The following USP48 variants were observed in gnomAD, a reference collection of about 807,000 sequenced individuals.
USP48 encodes ubiquitin specific peptidase 48, also known as ubiquitin carboxyl-terminal hydrolase 48.
A neutral mutation model predicts 150.7 loss-of-function variants in USP48; 43 were observed. That is an observed-to-expected ratio of 0.29 (90% CI 0.22 to 0.37). The LOEUF (loss-of-function observed/expected upper bound fraction) is 0.37. USP48 is among the 10% of genes least tolerant of loss of function. The probability of loss-of-function intolerance (pLI) is 1.00; values close to 1 mark genes in which losing one functional copy is unlikely to be tolerated. For missense variants in USP48, 813 were observed against 1,249.6 expected (o/e 0.65, Z 5.27); for synonymous variants, 396 against 425.9 (o/e 0.93, Z 0.86).
chr1:21,729,730 T>G lies in USP48; in HGVS notation c.1274A>C (p.Lys425Thr), dbSNP rs1457503540. The G allele has an allele frequency of 1.9e-6, 3 of 1,613,994 alleles. No homozygotes were observed. The highest frequency in any genetic ancestry group is 2.5e-6 in the Non-Finnish European group (3 of 1,179,992). The change falls in exon 10 of 27, where the codon AAG (lysine) becomes ACG (threonine). Residue 425 changes from lysine to threonine, a missense_variant. By Grantham distance (78) the Lys-to-Thr change is moderately conservative (BLOSUM62 -1). Coordinates refer to ENST00000308271, the MANE Select transcript of USP48 (RefSeq NM_032236.8). ...TGGAACTTGAACAGTAGTGTTGGGC[T>G]TTTCTTGAGTTTGCAGTCTATAAAC... ...MLVYRLQTQE[K>T]PNTTVQVPAF...
intron 10 of USP48, among the ~76,000 whole-genome samples, chr1:21,729,154 G>A (rs1225284823): frequency 2.6e-5 from 4 of 151,898 alleles, no homozygotes; most frequent in Admixed American, 2.0e-4. Context: ...GTGGTGGCAC[G>A]CACCTGTAAT....
At chr1:21,748,090 A>G in intron 7 of USP48, 48 bp downstream of exon 7, 1 of 1,584,446 alleles carries the variant, frequency 6.3e-7, no homozygotes, top group Non-Finnish European at 8.6e-7. Flanking sequence ...AAGTCTGTAC[A>G]TAGTAGACCA....
chr1:21,773,613 A>AT (rs986093633), intron 1 of USP48, among the ~76,000 whole-genome samples: 2 of 152,234 alleles, frequency 1.3e-5, no homozygotes, highest in Admixed American at 1.3e-4. Context: ...AATGCTTTGT[A>AT]TAAGGTAATA....
rs1184504729 is a variant in USP48 at position 21,705,786 on chromosome 1, C to T, written c.2325G>A (p.Leu775=). Residue 775 remains leucine (L), a synonymous_variant, in exon 19 of 27, where the codon TTG becomes TTA. Coordinates refer to ENST00000308271, the MANE Select transcript of USP48 (RefSeq NM_032236.8). ...PVSSVGNSAL[L]CPHGGLMFTF... is the part of the protein sequence containing the mutation. ...TAAACATGAGGCCCCCGTGGGGACA[C>T]AAAAGAGCACTGTTCCCAACTGATG... is the stretch of plus-strand genomic sequence containing the variant. 3 of 1,612,372 alleles carry T rather than the reference C, an allele frequency of 1.9e-6. No homozygotes were observed. In the South Asian group the frequency reaches 3.3e-5, roughly 18 times the overall value.
rs190350101 is a variant in USP48 at position 21,777,364 on chromosome 1, G to A, written c.134+5460C>T. On this transcript the variant is annotated intron_variant, in intron 1 of 26. Coordinates refer to ENST00000308271, the MANE Select transcript of USP48 (RefSeq NM_032236.8). ...TGTGGCTTCTTACAAGACCAAAAGC[G>A]TCAAAAAAAAAATAGTACAATGTTG... Among the ~76,000 whole-genome samples, 53 of 149,686 alleles carry A rather than the reference G, an allele frequency of 3.5e-4. 1 individual carries two copies. The South Asian group carries it at 8.0e-3, about 22-fold the overall frequency.
At chr1:21,750,882 C>CAAA (rs112902798) in intron 6 of USP48, among the ~76,000 whole-genome samples, 1 of 113,412 alleles carries the variant, frequency 8.8e-6, no homozygotes, top group Non-Finnish European at 1.9e-5. Context: ...AACTCCATCT[C>CAAA]AAAAAAAAAA....
intron 26 of USP48, among the ~76,000 whole-genome samples, chr1:21,680,048 C>T (rs1484164407): frequency 6.6e-6 from 1 of 152,148 alleles, no homozygotes; most frequent in Non-Finnish European, 1.5e-5. Context: ...CATCAGGAGT[C>T]CCTTTGTAAT....
chr1:21,747,221 A>AT, intron 7 of USP48, 72 bp from the exon 8 acceptor site: 2 of 1,067,154 alleles, frequency 1.9e-6, no homozygotes, highest in East Asian at 2.7e-5. Flanking sequence ...TCTATTAGCT[A>AT]TTTTAATAAA....
intron 8 of USP48, among the ~76,000 whole-genome samples, chr1:21,745,940 AAC>A (rs754178523): frequency 1.3e-5 from 2 of 152,262 alleles, no homozygotes; most frequent in Non-Finnish European, 2.9e-5. Context: ...TGAAGTTGAA[AAC>A]AGTTTCCTTG....
At chr1:21,726,823 C>A (rs1384845239) in intron 11 of USP48, among the ~76,000 whole-genome samples, 2 of 152,080 alleles carry the variant, frequency 1.3e-5, no homozygotes, top group Non-Finnish European at 2.9e-5. Flanking sequence ...ATAATCAACT[C>A]CAAATGAGGG....
At chr1:21,699,814 C>CCACACACACACACACACACA (rs10660046) in intron 22 of USP48, among the ~76,000 whole-genome samples, 81 of 149,264 alleles carry the variant, frequency 5.4e-4, no homozygotes, top group African/African-American at 1.9e-3. Flanking sequence ...CTGCGCCTGG[C>CCACACACACACACACACACA]CACACACACA....
rs1034193689 is a variant in USP48, at chr1:21,740,554, A to C, written c.992-3929T>G. On this transcript the variant is annotated intron_variant, in intron 8 of 26. Transcript: ENST00000308271. ...TACTATGATTTCACACTACCTATGA[A>C]GTCAGAAAAACCCCAAGCCAAGAGT... Among the ~76,000 whole-genome samples, 3 of 152,222 alleles carry C rather than the reference A, an allele frequency of 2.0e-5. No homozygotes were observed. The South Asian group carries it at 6.2e-4, about 31-fold the overall frequency.
chr1:21,719,868 G>C (rs2097715297), intron 14 of USP48, among the ~76,000 whole-genome samples: 1 of 151,480 alleles, frequency 6.6e-6, no homozygotes, highest in African/African-American at 2.4e-5. Flanking sequence ...TGAGCAAAAA[G>C]AGCAAAACTC....
At chr1:21,732,603 C>T (rs2097759635) in intron 9 of USP48, 1 of 218,488 alleles carries the variant, frequency 4.6e-6, no homozygotes, top group East Asian at 1.4e-4. Flanking sequence ...ATTTTAAAAA[C>T]AGCACTCTAT....
At chr1:21,725,682 C>T (rs1241149209) in intron 11 of USP48, among the ~76,000 whole-genome samples, 2 of 150,982 alleles carry the variant, frequency 1.3e-5, no homozygotes, top group Non-Finnish European at 2.9e-5. Flanking sequence ...GAACCCGGGA[C>T]GCGGAGGTTG....
intron 26 of USP48, 145 bp downstream of exon 26, chr1:21,680,663 T>G: frequency 1.3e-6 from 1 of 773,122 alleles, no homozygotes; most frequent in South Asian, 1.8e-5. Context: ...GAAGCTTGAG[T>G]AAGAAATGCA....
At chr1:21,751,153 AAAAAGTT>A in intron 6 of USP48, among the ~76,000 whole-genome samples, 2 of 152,306 alleles carry the variant, frequency 1.3e-5, no homozygotes, top group Middle Eastern at 6.8e-3. Context: ...TATCAATGTA[AAAAAGTT>A]TCATATTTAG....
intron 8 of USP48, among the ~76,000 whole-genome samples, 169 bp downstream of exon 8, chr1:21,746,898 A>C (rs1252543896): frequency 6.6e-6 from 1 of 152,222 alleles, no homozygotes; most frequent in Admixed American, 6.5e-5. Context: ...ACAAAATGGA[A>C]TTAACATCTT....
At chr1:21,756,999 T>G (rs2097837832) in intron 2 of USP48, 1 of 985,214 alleles carries the variant, frequency 1.0e-6, no homozygotes, top group African/African-American at 1.7e-5. Flanking sequence ...AAAAGATCGG[T>G]TTTGAACAAG....
Sources: allele counts gnomAD v4.1 joint callset (sites outside exome capture counted in the v4.1 genomes callset), GRCh38; gene constraint gnomAD v4.1.1; transcripts MANE v1.5; gene names NCBI Gene and HGNC (gene_info 2026-07-23, HGNC 2026-07-21).